Variants in MAGI2 observed in about 807,000 individuals in gnomAD.
The protein encoded by MAGI2 is membrane associated guanylate kinase, WW and PDZ domain containing 2, also known as membrane-associated guanylate kinase, WW and PDZ domain-containing protein 2.
A neutral mutation model predicts 133.3 loss-of-function variants in MAGI2; 35 were observed. That is an observed-to-expected ratio of 0.26 (90% CI 0.20 to 0.35). The LOEUF (loss-of-function observed/expected upper bound fraction) is 0.35. MAGI2 is among the 10% of genes least tolerant of loss of function. The probability of loss-of-function intolerance (pLI) is 1.00; values close to 1 mark genes in which losing one functional copy is unlikely to be tolerated. For missense variants in MAGI2, 1,636 were observed against 1,863.4 expected (o/e 0.88, Z 2.25); for synonymous variants, 729 against 710.6 (o/e 1.03, Z -0.41).
chr7:79,086,215 CCAAG>C (rs768912966), intron 1 of MAGI2, among the ~76,000 whole-genome samples: 1 of 151,792 alleles, frequency 6.6e-6, no homozygotes, highest in Non-Finnish European at 1.5e-5. Context: ...AGACTGAACT[CCAAG>C]TCAGGTCAAA....
chr7:79,422,986 G>A (rs1043507120), intron 1 of MAGI2, among the ~76,000 whole-genome samples: 1 of 152,016 alleles, frequency 6.6e-6, no homozygotes, highest in African/African-American at 2.4e-5. Context: ...ACAAACTCAT[G>A]AAACATAAGA....
intron 6 of MAGI2, among the ~76,000 whole-genome samples, chr7:78,381,449 C>A (rs1794917210): frequency 6.6e-6 from 1 of 152,132 alleles, no homozygotes; most frequent in African/African-American, 2.4e-5. Context: ...TCAAGCTCGA[C>A]AAATTTAACT....
chr7:78,145,112 A>T (rs1347532704), intron 16 of MAGI2, among the ~76,000 whole-genome samples: 2 of 152,096 alleles, frequency 1.3e-5, no homozygotes. Flanking sequence ...ATTTATTTTT[A>T]CCTTCTTTTG....
intron 1 of MAGI2, among the ~76,000 whole-genome samples, chr7:79,348,885 AATT>A (rs1018963309): frequency 1.1e-4 from 16 of 151,958 alleles, no homozygotes; most frequent in African/African-American, 3.6e-4. Flanking sequence ...TTTTAGAAAA[AATT>A]ATGCAATGCA....
intron 1 of MAGI2, 84 bp from the exon 2 acceptor site, chr7:79,007,290 G>A (rs1807556716): frequency 2.7e-6 from 2 of 732,600 alleles, no homozygotes; most frequent in Non-Finnish European, 4.6e-6. Flanking sequence ...ATATACTCAG[G>A]AACCCATTAA....
chr7:78,147,287 T>C (rs1563181559), intron 16 of MAGI2, among the ~76,000 whole-genome samples: 1 of 152,298 alleles, frequency 6.6e-6, no homozygotes, highest in East Asian at 1.9e-4. Context: ...CTCTGAATGG[T>C]CAAATAAATT....
intron 6 of MAGI2, among the ~76,000 whole-genome samples, chr7:78,439,209 A>G (rs1025851940): frequency 6.6e-6 from 1 of 152,162 alleles, no homozygotes; most frequent in African/African-American, 2.4e-5. Context: ...ATAATTTCGG[A>G]AGCTGAAGCT....
intron 2 of MAGI2, among the ~76,000 whole-genome samples, chr7:78,876,294 C>A (rs480861): frequency 0.54 from 75,752 of 141,420 alleles, 22,037 homozygotes; most frequent in Middle Eastern, 0.68. Context: ...TGCACTCCAG[C>A]CCGGGTGACA....
chr7:78,991,800 C>T (rs1805813245), intron 2 of MAGI2, among the ~76,000 whole-genome samples: 2 of 151,970 alleles, frequency 1.3e-5, no homozygotes, highest in Non-Finnish European at 2.9e-5. Flanking sequence ...ATGCTGGAGA[C>T]TTCAAACCTT....
chr7:78,160,172 C>G lies in MAGI2; in HGVS notation c.2698G>C (p.Ala900Pro), dbSNP rs1824831712. 1 of 1,612,758 alleles carries G rather than the reference C, an allele frequency of 6.2e-7. No homozygotes were observed. The highest frequency in any genetic ancestry group is 2.2e-5 in the East Asian group (1 of 44,854). Residue 900 changes from alanine to proline, a missense_variant, in exon 16 of 22, where the codon GCC (alanine) becomes CCC (proline). Ala to Pro is a conservative substitution (Grantham distance 27, BLOSUM62 -1). Around this residue, in one of 5 missense-constraint regions of MAGI2, gnomAD observed 920 missense variants for 1,093.5 expected, o/e 0.84. Coordinates refer to ENST00000354212, the MANE Select transcript of MAGI2 (RefSeq NM_012301.4). The part of the protein sequence containing the change: ...YATYTNSNHA[A>P]PSSNASPPEG... The stretch of plus-strand genomic sequence containing the variant: ...GGGGGAGAGGCATTGCTACTGGGGG[C>G]AGCGTGGTTGCTGTTGGTGTAGGTT...
intron 2 of MAGI2, among the ~76,000 whole-genome samples, chr7:78,881,603 C>A (rs2151544823): frequency 6.6e-6 from 1 of 152,098 alleles, no homozygotes; most frequent in Middle Eastern, 3.4e-3. Context: ...TCATTTCAAC[C>A]ATACTCTCAA....
intron 6 of MAGI2, among the ~76,000 whole-genome samples, chr7:78,479,978 G>A (rs1475438587): frequency 6.6e-6 from 1 of 151,720 alleles, no homozygotes; most frequent in East Asian, 1.9e-4. Flanking sequence ...TTGCTGGGTG[G>A]GTCAGTAACA....
chr7:78,333,774 C>T (rs1489281263), intron 9 of MAGI2, among the ~76,000 whole-genome samples: 4 of 152,170 alleles, frequency 2.6e-5, no homozygotes, highest in Admixed American at 2.6e-4. Flanking sequence ...CATGCTAGCC[C>T]CAGGAGAGCT....
At chr7:79,083,602 A>G (rs1816241838) in intron 1 of MAGI2, among the ~76,000 whole-genome samples, 1 of 151,694 alleles carries the variant, frequency 6.6e-6, no homozygotes, top group South Asian at 2.1e-4. Context: ...TTTTGTTCAT[A>G]TTCATAAGGG....
At chr7:78,876,126 G>A (rs2151532628) in intron 2 of MAGI2, among the ~76,000 whole-genome samples, 1 of 152,046 alleles carries the variant, frequency 6.6e-6, no homozygotes, top group East Asian at 1.9e-4. Context: ...TTCAAGACCA[G>A]CCTGGCCAAC....
chr7:79,128,199 C>A (rs1485455905), intron 1 of MAGI2, among the ~76,000 whole-genome samples: 1 of 151,030 alleles, frequency 6.6e-6, no homozygotes, highest in Non-Finnish European at 1.5e-5. Context: ...TTTTTTTTGA[C>A]CCAGAAACTC....
chr7:78,937,353 A>T (rs1216835152), intron 2 of MAGI2, among the ~76,000 whole-genome samples: 2 of 152,174 alleles, frequency 1.3e-5, no homozygotes, highest in Non-Finnish European at 2.9e-5. Context: ...TTTTAATAGA[A>T]TTCCAATTAC....
At chr7:79,110,494 A>C (rs886119959) in intron 1 of MAGI2, among the ~76,000 whole-genome samples, 1 of 152,092 alleles carries the variant, frequency 6.6e-6, no homozygotes, top group African/African-American at 2.4e-5. Context: ...CTTTTGGCTG[A>C]TTTCTCTCTT....
In MAGI2 at chr7:78,256,601, T is replaced by C. The variant is rs767159655; in HGVS notation, c.1409-20A>G. 5.6e-6 allele frequency: 9 copies of C among 1,597,612 alleles called. No homozygotes were observed. The South Asian group carries it at 6.8e-5, about 12-fold the overall frequency. ...CATCACCTGTAAGAAAAAAAGAGATTGACAACATGAGGTAAGTTCAATTAA... is the reference window on the plus strand; with the variant it reads ...CATCACCTGTAAGAAAAAAAGAGATCGACAACATGAGGTAAGTTCAATTAA... On this transcript the variant is annotated intron_variant, in intron 9 of 21. Coordinates refer to ENST00000354212, the MANE Select transcript of MAGI2 (RefSeq NM_012301.4).
Sources: allele counts gnomAD v4.1 joint callset (sites outside exome capture counted in the v4.1 genomes callset), GRCh38; gene constraint gnomAD v4.1.1; regional missense constraint gnomAD v4.1.1; transcripts MANE v1.5; gene names NCBI Gene and HGNC (gene_info 2026-07-23, HGNC 2026-07-21).